MEMO1: variants seen among roughly 807,000 people sequenced by gnomAD.
The protein encoded by MEMO1 is protein MEMO1.
A neutral mutation model predicts 45.2 loss-of-function variants in MEMO1; 6 were observed. The observed-to-expected ratio is 0.13, with a 90% CI of 0.07 to 0.26. The LOEUF is 0.26. Among genes scored for constraint, MEMO1 ranks in the 10% least tolerant of loss-of-function variants. The probability of loss-of-function intolerance (pLI) is 1.00; values close to 1 mark genes in which losing one functional copy is unlikely to be tolerated. For synonymous variants in MEMO1, 78 were observed against 124.3 expected, an observed-to-expected ratio of 0.63 and a Z score of 2.48; for missense variants, 184 against 370.5, an observed-to-expected ratio of 0.50 and a Z score of 4.13.
chr2:31,923,564 G>A lies in MEMO1; in HGVS notation c.213-2654C>T, dbSNP rs907271319. On this transcript the variant is annotated intron_variant, in intron 4 of 9. Coordinates refer to ENST00000404530, the MANE Select transcript of MEMO1 (RefSeq NM_001301833.4). ...CATGACACTTTGTTTTAAATTAAAGGCTTACGTGGGCTATAGAGAATGGTA... is the reference window on the plus strand; with the variant it reads ...CATGACACTTTGTTTTAAATTAAAGACTTACGTGGGCTATAGAGAATGGTA... The A allele has an allele frequency of 2.2e-6, 3 of 1,377,204 alleles. No homozygotes were observed. In the Admixed American group the frequency reaches 9.8e-5, roughly 45 times the overall value. The allele number at this position is 1,377,204 out of a possible 1,614,324, so 85.3% of individuals were successfully genotyped here. A position where few individuals can be genotyped will look rare whatever the true frequency, so the allele number is the denominator to read the frequency against.
intron 7 of MEMO1, among the ~76,000 whole-genome samples, chr2:31,884,047 AG>A (rs1376814313): frequency 6.6e-6 from 1 of 151,968 alleles, no homozygotes; most frequent in Non-Finnish European, 1.5e-5. Flanking sequence ...AATACACAAA[AG>A]GGTAAATATA....
intron 6 of MEMO1, among the ~76,000 whole-genome samples, chr2:31,902,462 C>T (rs1419059758): frequency 3.3e-5 from 5 of 151,816 alleles, no homozygotes; most frequent in Non-Finnish European, 5.9e-5. Context: ...AATCATACCT[C>T]AATAAAGCTG....
At chr2:31,941,780 G>T (rs1285468506) in intron 3 of MEMO1, among the ~76,000 whole-genome samples, 2 of 152,154 alleles carry the variant, frequency 1.3e-5, no homozygotes, top group African/African-American at 4.8e-5. Context: ...GTAAGTAGGA[G>T]TCAGGCTCCT....
At chr2:31,981,334 G>C (rs1670615664) in intron 2 of MEMO1, among the ~76,000 whole-genome samples, 1 of 152,160 alleles carries the variant, frequency 6.6e-6, no homozygotes. Context: ...TTATGCAGCA[G>C]TTGGGACTTT....
chr2:31,909,409 G>A (rs962486807), intron 6 of MEMO1, among the ~76,000 whole-genome samples: 2 of 152,152 alleles, frequency 1.3e-5, no homozygotes, highest in African/African-American at 4.8e-5. Context: ...AATCAGTAAA[G>A]CTGCAGGATA....
At chr2:31,980,862 C>T (rs1670553046) in intron 2 of MEMO1, among the ~76,000 whole-genome samples, 1 of 152,142 alleles carries the variant, frequency 6.6e-6, no homozygotes. Flanking sequence ...TAATATAAGG[C>T]ATAATATCAC....
At chr2:31,918,182 C>A in intron 5 of MEMO1, 145 bp from the exon 6 acceptor site, 13 of 466,416 alleles carry the variant, frequency 2.8e-5, no homozygotes, top group South Asian at 1.1e-4. Context: ...TAAAACAAAA[C>A]AAAACAATAG....
chr2:31,911,529 TTAATA>T (rs1233305712), intron 6 of MEMO1, among the ~76,000 whole-genome samples: 1 of 152,224 alleles, frequency 6.6e-6, no homozygotes, highest in Non-Finnish European at 1.5e-5. Context: ...TAGACTTTAG[TTAATA>T]TAATAATGTA....
rs1358016424 is a variant in MEMO1, at chr2:31,969,572, GGGGTGTGTGTGTGGGTGTGTGTGT to G, written c.62-26213_62-26190del. The stretch of plus-strand genomic sequence containing the variant: ...ATCTATACTTTCTAAATCTTTTCTG[GGGGTGTGTGTGTGGGTGTGTGTGT>G]GTGTGTGTGTGTGTGTGTGTGTGTG... On this transcript the variant is annotated intron_variant, in intron 2 of 9. Coordinates refer to ENST00000404530, the MANE Select transcript of MEMO1 (RefSeq NM_001301833.4). Among the ~76,000 whole-genome samples the G allele has an allele frequency of 2.9e-3, 313 of 108,576 alleles. 5 individuals are homozygous for G. The highest frequency in any genetic ancestry group is 0.011 in the African/African-American group (293 of 26,252). The allele number at this position is 108,576 out of a possible 152,430, so 71.2% of individuals were successfully genotyped here.
At chr2:31,913,569 T>TA (rs965055603) in intron 6 of MEMO1, among the ~76,000 whole-genome samples, 8 of 151,964 alleles carry the variant, frequency 5.3e-5, no homozygotes, top group African/African-American at 9.7e-5. Context: ...AATTTTTTTT[T>TA]AAAAAAAGAA....
chr2:31,937,641 A>T (rs1228953636), intron 3 of MEMO1, among the ~76,000 whole-genome samples: 1 of 152,206 alleles, frequency 6.6e-6, no homozygotes, highest in Non-Finnish European at 1.5e-5. Flanking sequence ...AAAAAGTCAA[A>T]CAATAAAGGG....
At chr2:31,933,749 T>C (rs1185041627) in intron 3 of MEMO1, among the ~76,000 whole-genome samples, 1 of 152,084 alleles carries the variant, frequency 6.6e-6, no homozygotes, top group African/African-American at 2.4e-5. Context: ...TAATTAATCG[T>C]AGTCACTCTA....
At chr2:31,965,200 C>T (rs958876968) in intron 2 of MEMO1, among the ~76,000 whole-genome samples, 6 of 144,298 alleles carry the variant, frequency 4.2e-5, no homozygotes, top group African/African-American at 1.3e-4. Context: ...GCAACAAGGG[C>T]GAAACTCCAT....
chr2:31,938,786 A>T lies in MEMO1; in HGVS notation c.143+4516T>A, dbSNP rs973362223. ...TAACCCTTTCATGCCATAGAACAAT[A>T]TTTTTTTTTTTTTTTTTGAGACAGG... On this transcript the variant is annotated intron_variant, in intron 3 of 9. Coordinates refer to ENST00000404530, the MANE Select transcript of MEMO1 (RefSeq NM_001301833.4). Among the ~76,000 whole-genome samples the T allele has an allele frequency of 1.6e-4, 22 of 138,814 alleles. No individual in the cohort carries two copies. In the South Asian group the frequency reaches 1.7e-3, roughly 10 times the overall value. The allele number at this position is 138,814 out of a possible 152,430, so 91.1% of individuals were successfully genotyped here.
intron 2 of MEMO1, among the ~76,000 whole-genome samples, chr2:31,993,912 C>T (rs944766382): frequency 2.1e-5 from 3 of 143,636 alleles, no homozygotes; most frequent in Non-Finnish European, 3.0e-5. Flanking sequence ...AATGCTGTTG[C>T]TGTCTGCCAG....
chr2:32,005,279 C>T (rs1163408641), intron 2 of MEMO1, among the ~76,000 whole-genome samples: 2 of 139,046 alleles, frequency 1.4e-5, no homozygotes, highest in Non-Finnish European at 3.0e-5. Context: ...ATGATCGAGC[C>T]ACGGCACTCT....
At chr2:31,944,204 A>G (rs1239490347) in intron 2 of MEMO1, among the ~76,000 whole-genome samples, 1 of 152,230 alleles carries the variant, frequency 6.6e-6, no homozygotes, top group East Asian at 1.9e-4. Flanking sequence ...AATAATAACC[A>G]TAAATTTCAG....
chr2:32,008,023 T>C (rs1189191564), intron 2 of MEMO1, among the ~76,000 whole-genome samples: 1 of 152,210 alleles, frequency 6.6e-6, no homozygotes, highest in Admixed American at 6.6e-5. Context: ...AATGGCATTA[T>C]TGATTTCACT....
intron 2 of MEMO1, among the ~76,000 whole-genome samples, chr2:31,965,347 T>C (rs2148429595): frequency 8.5e-6 from 1 of 117,358 alleles, no homozygotes; most frequent in African/African-American, 3.0e-5. Flanking sequence ...GAATGGTGAG[T>C]TCTGTGTCAA....
Sources: allele counts gnomAD v4.1 joint callset (sites outside exome capture counted in the v4.1 genomes callset), GRCh38; gene constraint gnomAD v4.1.1; transcripts MANE v1.5; gene names NCBI Gene and HGNC (gene_info 2026-07-23, HGNC 2026-07-21).